Variants in WASHC2C observed in about 807,000 individuals in gnomAD.
The protein encoded by WASHC2C is WASH complex subunit 2C.
WASHC2C carries 73 observed loss-of-function variants against 142.2 expected under a neutral mutation model. The ratio of observed to expected loss-of-function variants is 0.51; its 90% CI spans 0.43 to 0.62. The LOEUF is 0.62. Ranked by LOEUF, WASHC2C falls within the 20% of genes least tolerant of loss-of-function variation. The pLI, the probability that WASHC2C is intolerant of heterozygous loss-of-function variation, is 0.00. For missense variants in WASHC2C, 969 were observed against 1,531.7 expected, an observed-to-expected ratio of 0.63 and a Z score of 6.13; for synonymous variants, 337 against 565.5, an observed-to-expected ratio of 0.60 and a Z score of 5.73.
At position 45,769,723 on chromosome 10, in the gene WASHC2C, C is replaced by T. The variant is rs1230947826; in HGVS notation, c.2039+105C>T. ...TCGGGTGATTGCTAATCATGGATCA[C>T]ATAGTGATTGTGCCAGTGAGAATGT... On this transcript the variant is annotated intron_variant, in intron 20 of 30. Transcript: ENST00000623400. 99 of 1,474,868 alleles carry T rather than the reference C, an allele frequency of 6.7e-5. No individual in the cohort carries two copies. The South Asian group carries it at 9.7e-4, about 14-fold the overall frequency. The allele number at this position is 1,474,868 out of a possible 1,614,324, so 91.4% of individuals were successfully genotyped here.
rs1199307973 is a variant in WASHC2C, at chr10:45,750,783, G to A, written c.876G>A (p.Glu292=). 1.3e-6 allele frequency: 2 copies of A among 1,548,926 alleles called. No individual in the cohort carries two copies. The highest frequency in any genetic ancestry group is 1.7e-6 in the Non-Finnish European group (2 of 1,147,166). ...KRSRPTSFAD[E]LAARIKGDAM... The stretch of plus-strand genomic sequence containing the variant: ...GCAGACCTACATCGTTTGCAGATGA[G>A]CTGGCTGCCCGCATCAAGGGGGATG... The change falls in exon 10 of 31, where the codon GAG becomes GAA. Residue 292 remains glutamate, a synonymous_variant. Transcript: ENST00000623400.
chr10:45,733,658 G>A (rs1158293884), intron 3 of WASHC2C, among the ~76,000 whole-genome samples: 2 of 152,198 alleles, frequency 1.3e-5, no homozygotes. Flanking sequence ...ATGGGTTTAG[G>A]TTTCTTAGAT....
chr10:45,733,238 T>C (rs2050816696), intron 3 of WASHC2C, among the ~76,000 whole-genome samples: 1 of 152,260 alleles, frequency 6.6e-6, no homozygotes. Flanking sequence ...TTTGATGAGT[T>C]GGACCCTCCC....
At chr10:45,753,871 A>G (rs1454800678) in intron 13 of WASHC2C, among the ~76,000 whole-genome samples, 1 of 147,784 alleles carries the variant, frequency 6.8e-6, no homozygotes, top group African/African-American at 2.5e-5. Context: ...GTTACTCAAT[A>G]GGTTTGTGGT....
chr10:45,789,571 G>A, intron 29 of WASHC2C, 80 bp downstream of exon 29: 1 of 1,591,150 alleles, frequency 6.3e-7, no homozygotes. Flanking sequence ...CATAGATTAT[G>A]TCTAGCTTGT....
intron 3 of WASHC2C, among the ~76,000 whole-genome samples, chr10:45,736,796 A>T (rs1321714287): frequency 2.6e-5 from 4 of 152,096 alleles, no homozygotes; most frequent in Non-Finnish European, 2.9e-5. Flanking sequence ...ATATTGACTT[A>T]AAATTTTAAA....
chr10:45,749,534 A>G (rs1554872968), intron 8 of WASHC2C, among the ~76,000 whole-genome samples: 1 of 151,140 alleles, frequency 6.6e-6, no homozygotes, highest in Non-Finnish European at 1.5e-5. Flanking sequence ...TATAAAGGAT[A>G]CATTTTTAGG....
chr10:45,788,414 C>T (rs1337779695), intron 28 of WASHC2C, among the ~76,000 whole-genome samples: 4 of 152,146 alleles, frequency 2.6e-5, no homozygotes, highest in South Asian at 2.1e-4. Context: ...TGTTTCTCCC[C>T]GCTCCTGGAG....
intron 30 of WASHC2C, among the ~76,000 whole-genome samples, chr10:45,791,874 T>C (rs1466628742): frequency 6.8e-6 from 1 of 146,148 alleles, no homozygotes; most frequent in Non-Finnish European, 1.5e-5. Context: ...GTGGGTCCTA[T>C]ATTGGATTTC....
chr10:45,755,207 C>A, intron 15 of WASHC2C, 92 bp downstream of exon 15: 1 of 1,524,958 alleles, frequency 6.6e-7, no homozygotes, highest in Non-Finnish European at 8.9e-7. Flanking sequence ...GTATCTCTTA[C>A]AGTGCCAGAA....
At chr10:45,732,991 C>A (rs1395585774) in intron 3 of WASHC2C, among the ~76,000 whole-genome samples, 8 of 152,228 alleles carry the variant, frequency 5.3e-5, no homozygotes, top group African/African-American at 1.9e-4. Context: ...TTTTGACACT[C>A]CAGCCTTCTC....
chr10:45,730,444 G>T (rs2050419371), intron 3 of WASHC2C, among the ~76,000 whole-genome samples: 1 of 143,718 alleles, frequency 7.0e-6, no homozygotes, highest in African/African-American at 2.6e-5. Context: ...GGAAAAGTCA[G>T]GGACTCTAGA....
chr10:45,748,283 CTTTTTTTTTTTT>C (rs1160119861), intron 8 of WASHC2C, among the ~76,000 whole-genome samples: 12 of 57,192 alleles, frequency 2.1e-4, no homozygotes, highest in African/African-American at 7.9e-4. Flanking sequence ...TTTTTCTTTC[CTTTTTTTTTTTT>C]TTTTTTTTTT....
chr10:45,736,323 G>A (rs181760256), intron 3 of WASHC2C, among the ~76,000 whole-genome samples: 3,838 of 139,798 alleles, frequency 0.027, 62 homozygotes, highest in East Asian at 0.044. Flanking sequence ...GGAGAATGGC[G>A]TGAACCCAGG....
chr10:45,747,095 A>C (rs2052927798), intron 8 of WASHC2C, among the ~76,000 whole-genome samples: 1 of 152,094 alleles, frequency 6.6e-6, no homozygotes, highest in South Asian at 2.1e-4. Context: ...TGCATCGTTC[A>C]TTTTCTGCCA....
intron 3 of WASHC2C, among the ~76,000 whole-genome samples, chr10:45,730,938 C>T (rs2050501047): frequency 6.6e-6 from 1 of 151,124 alleles, no homozygotes; most frequent in Non-Finnish European, 1.5e-5. Context: ...TACTTTGTAC[C>T]CAGTGTGCCT....
intron 29 of WASHC2C, among the ~76,000 whole-genome samples, chr10:45,789,704 C>T (rs1480738935): frequency 1.7e-3 from 264 of 152,298 alleles, no homozygotes; most frequent in Admixed American, 3.2e-3. Context: ...TCTTGGCTGG[C>T]CATGATCATT....
At chr10:45,770,893 A>G (rs1357629223) in intron 20 of WASHC2C, among the ~76,000 whole-genome samples, 1 of 152,164 alleles carries the variant, frequency 6.6e-6, no homozygotes, top group Admixed American at 6.5e-5. Context: ...GATGAGGTGG[A>G]ATCTAAATGT....
At chr10:45,741,815 T>G (rs1484522252) in intron 5 of WASHC2C, among the ~76,000 whole-genome samples, 1 of 148,928 alleles carries the variant, frequency 6.7e-6, no homozygotes, top group Non-Finnish European at 1.5e-5. Context: ...TTTTTTTTTT[T>G]GAGACAGAGT....
Sources: allele counts gnomAD v4.1 joint callset (sites outside exome capture counted in the v4.1 genomes callset), GRCh38; gene constraint gnomAD v4.1.1; transcripts MANE v1.5; gene names NCBI Gene and HGNC (gene_info 2026-07-23, HGNC 2026-07-21).